Variants in MAPK4 observed in about 807,000 individuals in gnomAD.
The protein encoded by MAPK4 is mitogen-activated protein kinase 4, also known as Erk3-related.
MAPK4 carries 22 observed loss-of-function variants against 47.7 expected under a neutral mutation model. The observed-to-expected ratio is 0.46, with a 90% CI of 0.33 to 0.66. The LOEUF is 0.66. MAPK4 is among the 30% of genes least tolerant of loss of function. MAPK4 has a pLI of 0.02. For missense variants in MAPK4, 736 were observed against 831.7 expected (o/e 0.88, Z 1.42); for synonymous variants, 390 against 365.7 (o/e 1.07, Z -0.76).
At chr18:50,646,519 C>A (rs1439090773) in intron 1 of MAPK4, among the ~76,000 whole-genome samples, 1 of 152,168 alleles carries the variant, frequency 6.6e-6, no homozygotes, top group East Asian at 1.9e-4. Flanking sequence ...CAAGCCTGGA[C>A]CCCCTGAGCA....
In MAPK4 at chr18:50,583,017, G is replaced by A. The variant is rs145191010; in HGVS notation, c.-871+22774G>A. Among the ~76,000 whole-genome samples, 274 of 152,294 alleles carry A rather than the reference G, an allele frequency of 1.8e-3. 2 individuals are homozygous for A. The highest frequency in any genetic ancestry group is 6.1e-3 in the African/African-American group (255 of 41,552). ...GTGAGAGCATGTCACAGCTCTTTTC[G>A]TTCCTGCTGCCCACAGCTCATTGAG... On this transcript the variant is annotated intron_variant, in intron 1 of 5. Coordinates refer to ENST00000400384, the MANE Select transcript of MAPK4 (RefSeq NM_002747.4).
chr18:50,585,536 A>G (rs1050470249), intron 1 of MAPK4, among the ~76,000 whole-genome samples: 1 of 152,164 alleles, frequency 6.6e-6, no homozygotes, highest in Admixed American at 6.5e-5. Context: ...ATGCACCTGC[A>G]AGTCCCCCAT....
intron 4 of MAPK4, among the ~76,000 whole-genome samples, chr18:50,725,458 C>T (rs1911141713): frequency 6.6e-6 from 1 of 152,210 alleles, no homozygotes; most frequent in Admixed American, 6.5e-5. Context: ...TCCAGCAGCC[C>T]CTTAAGCCAT....
intron 1 of MAPK4, among the ~76,000 whole-genome samples, chr18:50,643,463 C>T (rs980448631): frequency 2.0e-5 from 3 of 152,268 alleles, no homozygotes; most frequent in African/African-American, 7.2e-5. Flanking sequence ...GCAGAGGTTG[C>T]AGCGAGTCGA....
chr18:50,625,121 G>A (rs1255452310), intron 1 of MAPK4, among the ~76,000 whole-genome samples: 1 of 152,186 alleles, frequency 6.6e-6, no homozygotes, highest in Non-Finnish European at 1.5e-5. Context: ...AGAAGCTGAG[G>A]CCCAGGACCT....
intron 2 of MAPK4, among the ~76,000 whole-genome samples, chr18:50,699,538 G>A (rs1250378614): frequency 6.6e-6 from 1 of 152,118 alleles, no homozygotes; most frequent in Non-Finnish European, 1.5e-5. Flanking sequence ...TATACTGGGG[G>A]CTAAAAGCAA....
chr18:50,619,886 A>G (rs1391357910), intron 1 of MAPK4, among the ~76,000 whole-genome samples: 1 of 152,230 alleles, frequency 6.6e-6, no homozygotes, highest in Non-Finnish European at 1.5e-5. Flanking sequence ...GAGAGGAGGC[A>G]CAGCCTCATG....
At chr18:50,564,782 A>G (rs1207326776) in intron 1 of MAPK4, among the ~76,000 whole-genome samples, 1 of 152,192 alleles carries the variant, frequency 6.6e-6, no homozygotes, top group East Asian at 1.9e-4. Flanking sequence ...CAGAACCGCC[A>G]TTACCCACAA....
chr18:50,668,862 C>T (rs573808227), intron 2 of MAPK4, among the ~76,000 whole-genome samples: 1 of 152,358 alleles, frequency 6.6e-6, no homozygotes, highest in East Asian at 1.9e-4. Context: ...ACTCCATGTC[C>T]ACTGTTTTCT....
At chr18:50,597,034 A>T (rs2042488408) in intron 1 of MAPK4, among the ~76,000 whole-genome samples, 2 of 152,222 alleles carry the variant, frequency 1.3e-5, no homozygotes, top group South Asian at 4.1e-4. Context: ...CTTAAGTGTT[A>T]TGACAATTGC....
intron 1 of MAPK4, among the ~76,000 whole-genome samples, chr18:50,594,060 G>A (rs2042461117): frequency 6.6e-6 from 1 of 152,206 alleles, no homozygotes; most frequent in South Asian, 2.1e-4. Flanking sequence ...AACTCCAAAA[G>A]TCCAAAGGCT....
intron 1 of MAPK4, among the ~76,000 whole-genome samples, chr18:50,600,053 G>C (rs2042521180): frequency 6.6e-6 from 1 of 152,192 alleles, no homozygotes; most frequent in Non-Finnish European, 1.5e-5. Flanking sequence ...TTTAGTTTCA[G>C]ATGCCTTCAA....
At chr18:50,616,839 T>C (rs1000827653) in intron 1 of MAPK4, among the ~76,000 whole-genome samples, 1 of 152,238 alleles carries the variant, frequency 6.6e-6, no homozygotes, top group Non-Finnish European at 1.5e-5. Context: ...CCACCCAGAC[T>C]GACGGTTCTG....
chr18:50,618,830 G>T (rs1460438074), intron 1 of MAPK4, among the ~76,000 whole-genome samples: 2 of 152,138 alleles, frequency 1.3e-5, no homozygotes, highest in African/African-American at 2.4e-5. Flanking sequence ...ATCAGGGCAA[G>T]TAAGAGCATC....
rs570960469 is a variant in MAPK4 at position 50,564,574 on chromosome 18, A to G, written c.-871+4331A>G. 9.2e-5 allele frequency among the ~76,000 whole-genome samples: 14 copies of G among 152,364 alleles called. No individual in the cohort carries two copies. In the South Asian group the frequency reaches 2.7e-3, roughly 29 times the overall value. On this transcript the variant is annotated intron_variant, in intron 1 of 5. Coordinates refer to ENST00000400384, the MANE Select transcript of MAPK4 (RefSeq NM_002747.4). ...ATCTAATGTAATTCAATTCTTTTCA[A>G]TAAAGAGGAACTATTACATGTGTAA...
chr18:50,728,798 T>G (rs1562003), intron 5 of MAPK4, among the ~76,000 whole-genome samples: 149,675 of 152,300 alleles, frequency 0.98, 73,598 homozygotes, highest in East Asian at 1. Flanking sequence ...ATCTATCAGC[T>G]TTTGAGAAGC....
At chr18:50,581,667 A>G (rs986098780) in intron 1 of MAPK4, among the ~76,000 whole-genome samples, 14 of 152,206 alleles carry the variant, frequency 9.2e-5, no homozygotes. Context: ...AGTTGAGTTC[A>G]TCCTTTGCCA....
chr18:50,569,436 TG>T (rs777274616), intron 1 of MAPK4, among the ~76,000 whole-genome samples: 14 of 152,322 alleles, frequency 9.2e-5, no homozygotes, highest in African/African-American at 2.6e-4. Context: ...TAAGGTTTTC[TG>T]GGGTATCAGC....
chr18:50,658,429 G>A (rs1452906927), intron 1 of MAPK4, among the ~76,000 whole-genome samples: 1 of 152,154 alleles, frequency 6.6e-6, no homozygotes, highest in Non-Finnish European at 1.5e-5. Flanking sequence ...CCTGCCAGAG[G>A]GTGACTCTGG....
Sources: gnomAD v4.1 joint callset for allele counts (sites outside exome capture counted in the v4.1 genomes callset) on GRCh38, gnomAD v4.1.1 for gene constraint, MANE v1.5 for transcripts, NCBI Gene and HGNC (gene_info 2026-07-23, HGNC 2026-07-21) for gene names.